Variants in FRMD4B observed in about 807,000 individuals in gnomAD.
The protein encoded by FRMD4B is FERM domain containing 4B, also known as FERM domain-containing protein 4B.
In FRMD4B, 74 loss-of-function variants were observed where a neutral mutation model predicts 141.5. That is an observed-to-expected ratio of 0.52 (90% CI 0.43 to 0.63). The LOEUF is 0.63. Ranked by LOEUF, FRMD4B falls within the 30% of genes least tolerant of loss-of-function variation. The pLI is 0.00. For missense variants in FRMD4B, 1,366 were observed against 1,253.4 expected (o/e 1.09, Z -1.36); for synonymous variants, 506 against 467.9 (o/e 1.08, Z -1.05).
intron 1 of FRMD4B, among the ~76,000 whole-genome samples, chr3:69,333,468 A>G (rs1041044460): frequency 6.6e-6 from 1 of 152,248 alleles, no homozygotes; most frequent in Admixed American, 6.5e-5. Context: ...TTGGTTGAGA[A>G]TTAGAAATCC....
At chr3:69,245,340 TGTGTGTG>T (rs2093416096) in intron 7 of FRMD4B, among the ~76,000 whole-genome samples, 1 of 148,166 alleles carries the variant, frequency 6.7e-6, no homozygotes, top group African/African-American at 2.7e-5. Flanking sequence ...TGTGTGTGTG[TGTGTGTG>T]TGTGTGTTTT....
At chr3:69,195,513 A>G (rs2107649578) in intron 14 of FRMD4B, 149 bp from the exon 15 acceptor site, 2 of 661,974 alleles carry the variant, frequency 3.0e-6, no homozygotes, top group South Asian at 5.3e-5. Flanking sequence ...GGAAACTGGA[A>G]AACATTTTCT....
chr3:69,415,398 A>G (rs1463014679), intron 2 of FRMD4B, among the ~76,000 whole-genome samples: 1 of 152,084 alleles, frequency 6.6e-6, no homozygotes, highest in East Asian at 1.9e-4. Context: ...ATATGCCCCA[A>G]GAGTCTTCTA....
intron 7 of FRMD4B, among the ~76,000 whole-genome samples, chr3:69,235,195 T>G (rs1436377252): frequency 1.4e-5 from 2 of 144,692 alleles, no homozygotes; most frequent in African/African-American, 5.2e-5. Context: ...ATAATAATAA[T>G]AATATTTTCA....
intron 1 of FRMD4B, among the ~76,000 whole-genome samples, chr3:69,363,834 T>C (rs1333964866): frequency 6.6e-6 from 1 of 152,192 alleles, no homozygotes; most frequent in Non-Finnish European, 1.5e-5. Context: ...TCAAAACCAG[T>C]GTACTGAGGC....
rs868027906 is a variant in FRMD4B at position 69,225,003 on chromosome 3, C to T, written c.582-313G>A. Among the ~76,000 whole-genome samples, 6 of 152,326 alleles carry T rather than the reference C, an allele frequency of 3.9e-5. No individual in the cohort carries two copies. In the South Asian group the frequency reaches 1.2e-3, roughly 32 times the overall value. ...ATTATCCACTTTCTCTATGTTCCTA[C>T]AGTATCTTACTAATCATCTTTAGTG... On this transcript the variant is annotated intron_variant, in intron 7 of 22. Transcript: ENST00000398540.
At chr3:69,500,214 A>C (rs1331610060) in intron 1 of FRMD4B, among the ~76,000 whole-genome samples, 1 of 152,250 alleles carries the variant, frequency 6.6e-6, no homozygotes, top group African/African-American at 2.4e-5. Flanking sequence ...AGTTGGCTTC[A>C]GACAAGAGAC....
intron 8 of FRMD4B, among the ~76,000 whole-genome samples, chr3:69,223,047 T>C (rs149258710): frequency 7.9e-5 from 12 of 152,302 alleles, no homozygotes; most frequent in African/African-American, 2.9e-4. Context: ...CTGTGTGCAA[T>C]CTAAAATACT....
At chr3:69,240,389 G>A (rs1306611661) in intron 7 of FRMD4B, among the ~76,000 whole-genome samples, 1 of 149,912 alleles carries the variant, frequency 6.7e-6, no homozygotes, top group African/African-American at 2.5e-5. Context: ...GCTGAGGCAG[G>A]AGAATTGCTT....
At chr3:69,418,677 T>C (rs1704915924) in intron 2 of FRMD4B, among the ~76,000 whole-genome samples, 1 of 152,092 alleles carries the variant, frequency 6.6e-6, no homozygotes, top group African/African-American at 2.4e-5. Flanking sequence ...AAGAACTGAA[T>C]CCTGCCAAAA....
At chr3:69,306,672 C>A (rs1701403316) in intron 3 of FRMD4B, 1 of 152,270 alleles carries the variant, frequency 6.6e-6, no homozygotes. Flanking sequence ...TGGTCATCAT[C>A]ACTGCTTTTA....
intron 3 of FRMD4B, 72 bp from the exon 4 acceptor site, chr3:69,302,507 A>G (rs1219876339): frequency 3.3e-6 from 3 of 908,884 alleles, no homozygotes; most frequent in African/African-American, 1.6e-5. Flanking sequence ...AGTGTTGGCA[A>G]AGCTGTGGCG....
rs1460512381 is a variant in FRMD4B, at chr3:69,330,005, G to A, written c.163-16488C>T. ...CACTGATGAAGGTCTCCTGACCTTGGATGGCAACTCTCATATCAGATCCTC... is the reference window on the plus strand; with the variant it reads ...CACTGATGAAGGTCTCCTGACCTTGAATGGCAACTCTCATATCAGATCCTC... On this transcript the variant is annotated intron_variant, in intron 1 of 22. Coordinates refer to ENST00000398540, the MANE Select transcript of FRMD4B (RefSeq NM_015123.3). 2.0e-5 allele frequency among the ~76,000 whole-genome samples: 3 copies of A among 152,070 alleles called. No individual in the cohort carries two copies. In the East Asian group the frequency reaches 5.8e-4, roughly 29 times the overall value.
chr3:69,344,447 G>A (rs1160424382), intron 1 of FRMD4B, among the ~76,000 whole-genome samples: 1 of 152,316 alleles, frequency 6.6e-6, no homozygotes, highest in Non-Finnish European at 1.5e-5. Flanking sequence ...TAATAGGGAA[G>A]TAACTACAAA....
intron 1 of FRMD4B, among the ~76,000 whole-genome samples, chr3:69,318,483 C>T (rs1489649550): frequency 3.9e-5 from 6 of 152,092 alleles, no homozygotes; most frequent in African/African-American, 1.4e-4. Context: ...TGAACAAACA[C>T]CTGAGGGTTT....
intron 1 of FRMD4B, among the ~76,000 whole-genome samples, chr3:69,498,742 G>A (rs867303888): frequency 1.3e-5 from 2 of 152,128 alleles, no homozygotes; most frequent in South Asian, 2.1e-4. Flanking sequence ...GAAAACTGAG[G>A]CTTACAAGTA....
At chr3:69,348,279 C>A (rs1479873700) in intron 1 of FRMD4B, among the ~76,000 whole-genome samples, 3 of 152,070 alleles carry the variant, frequency 2.0e-5, no homozygotes, top group Non-Finnish European at 4.4e-5. Context: ...CAAGAATAAA[C>A]CTGGAAGAAG....
intron 1 of FRMD4B, among the ~76,000 whole-genome samples, chr3:69,457,481 A>G (rs1481483861): frequency 6.6e-6 from 1 of 152,226 alleles, no homozygotes; most frequent in African/African-American, 2.4e-5. Context: ...TGTTTCTACC[A>G]GTCTTTGAAC....
intron 1 of FRMD4B, among the ~76,000 whole-genome samples, chr3:69,465,570 G>A (rs1236373127): frequency 6.6e-6 from 1 of 150,840 alleles, no homozygotes; most frequent in Non-Finnish European, 1.5e-5. Context: ...GCCCCGGTGT[G>A]TGACGTTCCC....
Sources: gnomAD v4.1 joint callset for allele counts (sites outside exome capture counted in the v4.1 genomes callset) on GRCh38, gnomAD v4.1.1 for gene constraint, MANE v1.5 for transcripts, NCBI Gene and HGNC (gene_info 2026-07-23, HGNC 2026-07-21) for gene names.